Variants in TENM2 observed in about 807,000 individuals in gnomAD.
The protein encoded by TENM2 is teneurin transmembrane protein 2, also known as teneurin-2.
TENM2 carries 52 observed loss-of-function variants against 245.2 expected under a neutral mutation model. That is an observed-to-expected ratio of 0.21 (90% confidence interval 0.17 to 0.27). The LOEUF (loss-of-function observed/expected upper bound fraction) is 0.27, where lower values mean the gene tolerates loss of function less well. Among genes scored for constraint, TENM2 ranks in the 10% least tolerant of loss-of-function variants. TENM2 has a pLI of 1.00. For synonymous variants in TENM2, 1,363 were observed against 1,438.9 expected (o/e 0.95, Z 1.19); for missense variants, 3,046 against 3,666.8 (o/e 0.83, Z 4.37).
intron 1 of TENM2, among the ~76,000 whole-genome samples, chr5:167,295,064 T>C (rs1346044480): frequency 2.0e-5 from 3 of 152,312 alleles, no homozygotes; most frequent in South Asian, 4.1e-4. Context: ...ATGACTCCTA[T>C]GAATAGGGAA....
intron 1 of TENM2, among the ~76,000 whole-genome samples, chr5:167,369,730 T>C (rs1760288818): frequency 1.3e-5 from 2 of 152,226 alleles, no homozygotes; most frequent in Admixed American, 6.5e-5. Context: ...GGTGCTTGCA[T>C]AACAAACATT....
rs367626031 is a variant in TENM2, at chr5:167,606,902, T to G, written c.502+231429T>G. On this transcript the variant is annotated intron_variant, in intron 2 of 28. Transcript: ENST00000518659. Reference sequence around the variant, plus strand: ...CACCTTAATTAACCCACTTTCTTTCTTTGATGAGCAGCTTCAGGTGAAATC... The same window carrying G: ...CACCTTAATTAACCCACTTTCTTTCGTTGATGAGCAGCTTCAGGTGAAATC... Among the ~76,000 whole-genome samples, 299 of 152,316 alleles carry G rather than the reference T, an allele frequency of 2.0e-3. 15 individuals are homozygous for G. In the South Asian group the frequency reaches 0.06, roughly 31 times the overall value.
At chr5:167,934,665 G>C (rs73372747) in intron 3 of TENM2, among the ~76,000 whole-genome samples, 1 of 152,204 alleles carries the variant, frequency 6.6e-6, no homozygotes. Context: ...AACCAGACTG[G>C]CAGTGTGATC....
chr5:167,717,064 A>G (rs1385447729), intron 2 of TENM2, among the ~76,000 whole-genome samples: 1 of 151,818 alleles, frequency 6.6e-6, no homozygotes, highest in Non-Finnish European at 1.5e-5. Context: ...TCCTGTATCC[A>G]AGTGCTCAGC....
At chr5:167,659,481 G>T (rs950885870) in intron 2 of TENM2, among the ~76,000 whole-genome samples, 7 of 152,116 alleles carry the variant, frequency 4.6e-5, no homozygotes, top group Non-Finnish European at 1.0e-4. Context: ...GGAAGCAAAT[G>T]AAATACTCAG....
At chr5:167,222,279 T>C in the TENM2 span, among the ~76,000 whole-genome samples, 8 of 152,206 alleles carry the variant, frequency 5.3e-5, no homozygotes, top group Admixed American at 1.3e-4. Flanking sequence ...CACACCAGGC[T>C]CTTGTGTTTG....
chr5:167,702,553 T>TGTATATATATATATATATATACATAC (rs1758221030), intron 2 of TENM2, among the ~76,000 whole-genome samples: 1 of 63,592 alleles, frequency 1.6e-5, no homozygotes, highest in African/African-American at 9.5e-5. Flanking sequence ...TGTGTGTGTG[T>TGTATATATATATATATATATACATAC]ATATATATAT....
chr5:168,253,704 C>T (rs917210486), intron 27 of TENM2, among the ~76,000 whole-genome samples: 2 of 152,158 alleles, frequency 1.3e-5, no homozygotes, highest in South Asian at 2.1e-4. Flanking sequence ...GGATTACAGG[C>T]GTGAGCCACC....
chr5:167,005,337 G>T, the TENM2 span, among the ~76,000 whole-genome samples: 1 of 152,158 alleles, frequency 6.6e-6, no homozygotes, highest in African/African-American at 2.4e-5. Context: ...TCAGTAGTCT[G>T]TCAGACAAGG....
At position 167,873,476 on chromosome 5, in the gene TENM2, G is replaced by A. The variant is rs114411547; in HGVS notation, c.503-2510G>A. On this transcript the variant is annotated intron_variant, in intron 2 of 28. Coordinates refer to ENST00000518659, the Ensembl canonical transcript of TENM2. ...CCTGGCCTCTGCTGCTTAACTATCT[G>A]TGCGGTTTAACCTCTCTGGGTCTCA... Among the ~76,000 whole-genome samples, 1,008 of 152,172 alleles carry A rather than the reference G, an allele frequency of 6.6e-3. 4 individuals carry two copies. Among genetic ancestry groups the A allele is most frequent in the Middle Eastern group, 0.014 (4 of 294 alleles).
intron 12 of TENM2, among the ~76,000 whole-genome samples, chr5:168,140,270 C>T (rs922742031): frequency 2.0e-5 from 3 of 152,162 alleles, no homozygotes; most frequent in Admixed American, 6.5e-5. Flanking sequence ...TAGCCATTGC[C>T]CCCAAACACA....
intron 2 of TENM2, among the ~76,000 whole-genome samples, chr5:167,754,728 C>CAAAAAAAA (rs10663941): frequency 6.9e-6 from 1 of 145,164 alleles, no homozygotes; most frequent in Admixed American, 6.8e-5. Flanking sequence ...AGAGATATTT[C>CAAAAAAAA]AAAAAAAAAA....
chr5:167,434,164 G>A (rs1458047539), intron 2 of TENM2, among the ~76,000 whole-genome samples: 1 of 152,024 alleles, frequency 6.6e-6, no homozygotes, highest in Non-Finnish European at 1.5e-5. Context: ...GCTCACGCCT[G>A]TAATACCAGC....
intron 12 of TENM2, among the ~76,000 whole-genome samples, chr5:168,133,950 T>C (rs1754811740): frequency 6.6e-6 from 1 of 151,504 alleles, no homozygotes; most frequent in Non-Finnish European, 1.5e-5. Context: ...AGGTCAGGAG[T>C]TTGAGACCAG....
the TENM2 span, among the ~76,000 whole-genome samples, chr5:167,106,338 T>G: frequency 1.3e-5 from 2 of 152,086 alleles, no homozygotes; most frequent in East Asian, 3.9e-4. Context: ...TGAGGGACTG[T>G]CTAGGGGGCA....
chr5:167,672,058 T>A (rs1053245049), intron 2 of TENM2, among the ~76,000 whole-genome samples: 1 of 151,840 alleles, frequency 6.6e-6, no homozygotes, highest in African/African-American at 2.4e-5. Context: ...TCTTTAAAAA[T>A]CTTGCAATGT....
At chr5:167,251,356 A>G in the TENM2 span, among the ~76,000 whole-genome samples, 1 of 152,176 alleles carries the variant, frequency 6.6e-6, no homozygotes, top group African/African-American at 2.4e-5. Context: ...AGGAGAATGT[A>G]TAAACCTAAA....
At chr5:167,577,274 A>G (rs972724450) in intron 2 of TENM2, among the ~76,000 whole-genome samples, 2 of 152,220 alleles carry the variant, frequency 1.3e-5, no homozygotes, top group African/African-American at 4.8e-5. Flanking sequence ...GTAGGGTATT[A>G]CAAAAGCACT....
chr5:167,925,104 C>A lies in TENM2; in HGVS notation c.713-27484C>A, dbSNP rs542897572. On this transcript the variant is annotated intron_variant, in intron 3 of 28. Transcript: ENST00000518659. ...CATGGCAGGTTTGCTTCTCAGTAAC[C>A]CCAAGCTGGAAATAAATCAAACGTC... is the stretch of plus-strand genomic sequence containing the variant. Among the ~76,000 whole-genome samples, 3 of 152,242 alleles carry A rather than the reference C, an allele frequency of 2.0e-5. No individual in the cohort carries two copies. In the South Asian group the frequency reaches 6.2e-4, roughly 32 times the overall value.
Sources: allele counts gnomAD v4.1 joint callset (sites outside exome capture counted in the v4.1 genomes callset), GRCh38; gene constraint gnomAD v4.1.1; transcripts MANE v1.5; gene names NCBI Gene and HGNC (gene_info 2026-07-23, HGNC 2026-07-21).